PTPRD: variants seen among roughly 807,000 people sequenced by gnomAD.
The protein encoded by PTPRD is receptor-type tyrosine-protein phosphatase delta.
A neutral mutation model predicts 214.5 loss-of-function variants in PTPRD; 34 were observed. The observed-to-expected ratio is 0.16, with a 90% CI of 0.12 to 0.21. PTPRD has a LOEUF of 0.21. Ranked by LOEUF, PTPRD falls within the 10% of genes least tolerant of loss-of-function variation. PTPRD has a pLI of 1.00. For synonymous variants in PTPRD, 1,128 were observed against 845.7 expected (o/e 1.33, Z -5.79); for missense variants, 2,545 against 2,398.7 (o/e 1.06, Z -1.27).
intron 8 of PTPRD, among the ~76,000 whole-genome samples, chr9:9,439,871 A>G (rs1588464520): frequency 3.3e-5 from 5 of 152,328 alleles, no homozygotes; most frequent in African/African-American, 2.4e-5. Flanking sequence ...ACTAAGTCCT[A>G]TAGTGAGTAA....
intron 2 of PTPRD, among the ~76,000 whole-genome samples, chr9:10,405,917 G>C (rs1037651467): frequency 4.0e-5 from 6 of 151,382 alleles, no homozygotes; most frequent in Non-Finnish European, 7.4e-5. Flanking sequence ...ACTACCTCAA[G>C]TGTTGAGTTC....
At chr9:9,943,752 A>T in intron 4 of PTPRD, among the ~76,000 whole-genome samples, 1 of 152,108 alleles carries the variant, frequency 6.6e-6, no homozygotes, top group East Asian at 1.9e-4. Flanking sequence ...TAGGAAGTAG[A>T]AACAGCCTTA....
chr9:9,418,953 G>T (rs1374613233), intron 8 of PTPRD, among the ~76,000 whole-genome samples: 1 of 151,856 alleles, frequency 6.6e-6, no homozygotes, highest in Admixed American at 6.6e-5. Context: ...CAGAAAGAGT[G>T]TAGTGGAGAA....
rs59463961 is a variant in PTPRD, at chr9:9,836,340, G to T, written c.-367-69489C>A. On this transcript the variant is annotated intron_variant, in intron 5 of 45. Coordinates refer to ENST00000381196, the MANE Select transcript of PTPRD (RefSeq NM_002839.4). ...CAATATCAGGTAAACAAGACGATCT[G>T]CTCAGTGGATCTCAGAAGCTCTCAT... is the stretch of plus-strand genomic sequence containing the variant. Among the ~76,000 whole-genome samples the T allele has an allele frequency of 8.1e-3, 1,229 of 152,282 alleles. 18 individuals are homozygous for T. The highest frequency in any genetic ancestry group is 0.028 in the African/African-American group (1,159 of 41,566).
chr9:10,436,268 G>A (rs534158378), intron 2 of PTPRD, among the ~76,000 whole-genome samples: 1 of 151,822 alleles, frequency 6.6e-6, no homozygotes, highest in Non-Finnish European at 1.5e-5. Context: ...ATATGTATAT[G>A]TATACACACA....
intron 7 of PTPRD, among the ~76,000 whole-genome samples, chr9:9,667,382 G>A (rs1324688935): frequency 6.6e-6 from 1 of 151,942 alleles, no homozygotes; most frequent in Non-Finnish European, 1.5e-5. Flanking sequence ...CTCAACTACT[G>A]AATAGGCCTA....
intron 8 of PTPRD, among the ~76,000 whole-genome samples, chr9:9,467,810 G>A (rs2094318731): frequency 6.6e-6 from 1 of 151,802 alleles, no homozygotes; most frequent in African/African-American, 2.4e-5. Context: ...CAGTTTACGT[G>A]GTTAATTACA....
intron 7 of PTPRD, among the ~76,000 whole-genome samples, chr9:9,628,740 T>G (rs2095497593): frequency 6.6e-6 from 1 of 152,058 alleles, no homozygotes; most frequent in Admixed American, 6.6e-5. Context: ...TCTTCTCAGG[T>G]TTTTCCATGA....
At chr9:10,510,604 T>A (rs1023716177) in intron 2 of PTPRD, among the ~76,000 whole-genome samples, 1 of 152,188 alleles carries the variant, frequency 6.6e-6, no homozygotes, top group Non-Finnish European at 1.5e-5. Context: ...TGTACACATT[T>A]ATGGAGTACA....
At chr9:8,810,211 T>C (rs896599119) in intron 11 of PTPRD, among the ~76,000 whole-genome samples, 7 of 152,178 alleles carry the variant, frequency 4.6e-5, no homozygotes, top group Non-Finnish European at 7.3e-5. Flanking sequence ...TCTTTTGCCA[T>C]AGTATGATAG....
At chr9:10,082,890 T>C (rs1404467974) in intron 3 of PTPRD, among the ~76,000 whole-genome samples, 1 of 151,200 alleles carries the variant, frequency 6.6e-6, no homozygotes, top group Non-Finnish European at 1.5e-5. Context: ...GGGTTGTCAA[T>C]GGTAAAACTC....
chr9:10,561,225 T>G (rs2063884111), intron 2 of PTPRD, among the ~76,000 whole-genome samples: 1 of 152,164 alleles, frequency 6.6e-6, no homozygotes, highest in Non-Finnish European at 1.5e-5. Flanking sequence ...ATTGACTTTT[T>G]CATTTGAAAA....
chr9:9,422,704 G>A (rs1419341214), intron 8 of PTPRD, among the ~76,000 whole-genome samples: 3 of 152,136 alleles, frequency 2.0e-5, no homozygotes, highest in African/African-American at 7.2e-5. Flanking sequence ...CAAAAAGTTA[G>A]GGTGTATATC....
chr9:9,736,509 G>A (rs956193133), intron 6 of PTPRD, among the ~76,000 whole-genome samples: 1 of 152,024 alleles, frequency 6.6e-6, no homozygotes, highest in East Asian at 1.9e-4. Flanking sequence ...TTTGTTAAGA[G>A]TGACATTACT....
intron 36 of PTPRD, among the ~76,000 whole-genome samples, chr9:8,389,915 C>T (rs2088830369): frequency 6.6e-6 from 1 of 152,156 alleles, no homozygotes; most frequent in Non-Finnish European, 1.5e-5. Flanking sequence ...GCAGTAAGTC[C>T]TGTTATGAGT....
At position 8,936,524 on chromosome 9, in the gene PTPRD, T is replaced by C. The variant is rs763706157; in HGVS notation, c.-104+82173A>G. Reference sequence around the variant, plus strand: ...TGTGAAAGACAAGCGATTTAGTGTTTGCTATATGCAGCAACTATAATTGGT... The same window carrying C: ...TGTGAAAGACAAGCGATTTAGTGTTCGCTATATGCAGCAACTATAATTGGT... On this transcript the variant is annotated intron_variant, in intron 11 of 45. Transcript: ENST00000381196. 5.9e-5 allele frequency among the ~76,000 whole-genome samples: 9 copies of C among 151,748 alleles called. 1 individual carries two copies. Among genetic ancestry groups the C allele is most frequent in the Non-Finnish European group, 1.3e-4 (9 of 67,956 alleles).
chr9:8,475,524 C>T (rs1391591747), intron 30 of PTPRD, among the ~76,000 whole-genome samples: 2 of 152,086 alleles, frequency 1.3e-5, no homozygotes, highest in Non-Finnish European at 2.9e-5. Flanking sequence ...CAAATGATTT[C>T]CAGACTCATA....
In PTPRD at chr9:8,648,462, T is replaced by G. The variant is rs375918070; in HGVS notation, c.65-11618A>C. 3.7e-4 allele frequency among the ~76,000 whole-genome samples: 57 copies of G among 152,204 alleles called. 1 individual carries two copies. Among genetic ancestry groups the G allele is most frequent in the Admixed American group, 6.5e-5 (1 of 15,288 alleles). On this transcript the variant is annotated intron_variant, in intron 12 of 45. Coordinates refer to ENST00000381196, the MANE Select transcript of PTPRD (RefSeq NM_002839.4). ...TTTTGAATCACTCATAGACAAAATCTGTGAAGTCATTCTTACCATTCCTTA... is the reference window on the plus strand; with the variant it reads ...TTTTGAATCACTCATAGACAAAATCGGTGAAGTCATTCTTACCATTCCTTA...
rs2096970500 is a variant in PTPRD at position 8,818,544 on chromosome 9, T to C, written c.-103-84598A>G. On this transcript the variant is annotated intron_variant, in intron 11 of 45. Transcript: ENST00000381196. ...AGTAATTAAGGTGAGGTTATTCTCATTTTACAGATTAAAACACTGAGACTC... is the reference window on the plus strand; with the variant it reads ...AGTAATTAAGGTGAGGTTATTCTCACTTTACAGATTAAAACACTGAGACTC... Among the ~76,000 whole-genome samples the C allele has an allele frequency of 4.6e-5, 7 of 152,184 alleles. No individual in the cohort carries two copies. In the South Asian group the frequency reaches 1.4e-3, roughly 31 times the overall value.
Sources: allele counts gnomAD v4.1 joint callset (sites outside exome capture counted in the v4.1 genomes callset), GRCh38; gene constraint gnomAD v4.1.1; transcripts MANE v1.5; gene names NCBI Gene and HGNC (gene_info 2026-07-23, HGNC 2026-07-21).